The following CACNA1B variants were observed in gnomAD, a reference collection of about 807,000 sequenced individuals.
The protein encoded by CACNA1B is calcium voltage-gated channel subunit alpha1 B.
CACNA1B carries 70 observed loss-of-function variants against 247.2 expected under a neutral mutation model. That is an observed-to-expected ratio of 0.28 (90% CI 0.23 to 0.35). The LOEUF is 0.35. CACNA1B is among the 10% of genes least tolerant of loss of function. The pLI is 1.00. For missense variants in CACNA1B, 2,367 were observed against 3,197.4 expected (o/e 0.74, Z 6.26); for synonymous variants, 1,231 against 1,294.4 (o/e 0.95, Z 1.05).
chr9:138,081,063 T>C (rs1290142968), intron 36 of CACNA1B, among the ~76,000 whole-genome samples: 1 of 152,172 alleles, frequency 6.6e-6, no homozygotes, highest in Non-Finnish European at 1.5e-5. Flanking sequence ...TCCTGAGGCA[T>C]TGGTCTCTAT....
intron 39 of CACNA1B, 112 bp downstream of exon 39, chr9:138,105,919 C>A: frequency 1.5e-6 from 1 of 673,810 alleles, no homozygotes; most frequent in Non-Finnish European, 2.6e-6. Context: ...CCAGCTGTGT[C>A]TGGAGGGGTC....
In CACNA1B at chr9:138,078,061, T is replaced by C. The variant is rs1960388091; in HGVS notation, c.4950-53T>C. On this transcript the variant is annotated intron_variant, in intron 35 of 46. Transcript: ENST00000371372. ...GGCACGCTTGGTAGCCCCACAGGGC[T>C]CGGGCTCCCTCAAGGGCCTCTGTGG... 4.4e-6 allele frequency: 7 copies of C among 1,576,920 alleles called. No homozygotes were observed. In the East Asian group the frequency reaches 1.6e-4, roughly 36 times the overall value.
intron 6 of CACNA1B, among the ~76,000 whole-genome samples, chr9:137,926,341 T>G (rs1456040923): frequency 6.6e-6 from 1 of 152,204 alleles, no homozygotes; most frequent in Admixed American, 6.5e-5. Context: ...GTGCTGGGAT[T>G]ACAGGTGTAA....
At chr9:138,118,587 G>A (rs539848043) in intron 43 of CACNA1B, 65 bp from the exon 44 acceptor site, 55 of 780,996 alleles carry the variant, frequency 7.0e-5, no homozygotes, top group South Asian at 2.9e-4. Context: ...GAGTGAGTCC[G>A]GGGTGGGATC....
chr9:138,106,911 C>T (rs559154856), intron 39 of CACNA1B, among the ~76,000 whole-genome samples: 65 of 152,306 alleles, frequency 4.3e-4, no homozygotes, highest in African/African-American at 1.6e-3. Flanking sequence ...TTGGGGTCTC[C>T]AGGCCTCCAC....
At chr9:137,980,396 G>C (rs553073014) in intron 12 of CACNA1B, among the ~76,000 whole-genome samples, 1 of 152,358 alleles carries the variant, frequency 6.6e-6, no homozygotes, top group East Asian at 1.9e-4. Context: ...TGAAGAGCCT[G>C]AAAGTGTGGC....
chr9:138,016,029 C>T (rs1958787773), intron 18 of CACNA1B, among the ~76,000 whole-genome samples: 1 of 152,078 alleles, frequency 6.6e-6, no homozygotes, highest in South Asian at 2.1e-4. Context: ...GTCACAGAAG[C>T]ACACACAGAA....
At position 137,882,924 on chromosome 9, in the gene CACNA1B, G is replaced by C. The variant is rs769277058; in HGVS notation, c.530+41G>C. 1.9e-6 allele frequency: 3 copies of C among 1,575,128 alleles called. No homozygotes were observed. Among genetic ancestry groups the C allele is most frequent in the East Asian group, 2.2e-5 (1 of 44,730 alleles). ...CCAGGAGGCCCAGCGTGTGAGGCCC[G>C]GGCGTGTGCTCTCTGAAGCTCAGTT... On this transcript the variant is annotated intron_variant, in intron 3 of 46. Coordinates refer to ENST00000371372, the MANE Select transcript of CACNA1B (RefSeq NM_000718.4). This position sits in a 1 kb window ranked among gnomAD's most constrained non-coding sequence, Gnocchi z 4.0.
At chr9:138,112,053 C>T (rs1340097564) in intron 39 of CACNA1B, among the ~76,000 whole-genome samples, 1 of 152,148 alleles carries the variant, frequency 6.6e-6, no homozygotes, top group Non-Finnish European at 1.5e-5. Flanking sequence ...TAGATGAATG[C>T]CTGGAGTGCT....
intron 39 of CACNA1B, among the ~76,000 whole-genome samples, chr9:138,109,194 C>A (rs76897239): frequency 2.0e-5 from 3 of 152,098 alleles, no homozygotes; most frequent in African/African-American, 7.2e-5. Context: ...CTCACTTATA[C>A]GGTCAATTGA....
intron 3 of CACNA1B, chr9:137,892,559 C>T: frequency 2.8e-6 from 1 of 360,498 alleles, no homozygotes; most frequent in East Asian, 7.4e-5. Context: ...GGCCTGACAA[C>T]ACAGCTGCAC....
chr9:137,931,637 T>C (rs1249599949), intron 6 of CACNA1B, among the ~76,000 whole-genome samples: 2 of 152,154 alleles, frequency 1.3e-5, no homozygotes, highest in East Asian at 3.9e-4. Flanking sequence ...AACTGCTTCA[T>C]GCTGATTTGG....
chr9:138,003,985 G>C (rs1958615373), intron 15 of CACNA1B, among the ~76,000 whole-genome samples: 1 of 152,092 alleles, frequency 6.6e-6, no homozygotes, highest in Non-Finnish European at 1.5e-5. Context: ...ACAGTGCCAT[G>C]GGTGGTGTGA....
chr9:137,921,247 A>G (rs1957473685), intron 6 of CACNA1B, among the ~76,000 whole-genome samples: 1 of 152,034 alleles, frequency 6.6e-6, no homozygotes, highest in Non-Finnish European at 1.5e-5. Flanking sequence ...GGCAGGAAAA[A>G]CACCACGACC....
intron 6 of CACNA1B, among the ~76,000 whole-genome samples, chr9:137,949,283 TTTGC>T (rs1375228178): frequency 0.14 from 676 of 4,948 alleles, no homozygotes; most frequent in Admixed American, 0.18. Context: ...GGTGTGTGTG[TTTGC>T]GTGTCCTTTG....
Position 137,955,880 on chromosome 9 carries a change from T to A in CACNA1B, c.1186+67T>A. Reference sequence around the variant, plus strand: ...GTTAGTTCTCTGTCCCCAATTCTGCTCTGCTGCCAGCTGGGGTGCCCTGGC... The same window carrying A: ...GTTAGTTCTCTGTCCCCAATTCTGCACTGCTGCCAGCTGGGGTGCCCTGGC... On this transcript the variant is annotated intron_variant, in intron 8 of 46. Coordinates refer to ENST00000371372, the MANE Select transcript of CACNA1B (RefSeq NM_000718.4). The surrounding 1 kb of genome is among the most constrained non-coding windows in gnomAD (Gnocchi z 6.9). 2 of 1,087,142 alleles carry A rather than the reference T, an allele frequency of 1.8e-6. No homozygotes were observed. The highest frequency in any genetic ancestry group is 2.7e-5 in the South Asian group (2 of 74,530). 67.3% of individuals were successfully genotyped at this position (1,087,142 alleles called of 1,614,324 possible).
In CACNA1B at chr9:137,896,683, G is replaced by A. The variant is rs138686017; in HGVS notation, c.530+13800G>A. Among the ~76,000 whole-genome samples, 73 of 152,296 alleles carry A rather than the reference G, an allele frequency of 4.8e-4. No homozygotes were observed. The East Asian group carries it at 9.2e-3, about 19-fold the overall frequency. The stretch of plus-strand genomic sequence containing the variant: ...CTCCCTCTTCTATTTTCTAAAAGCC[G>A]TTGTGTGAAAACGGAATTAGTTCTT... On this transcript the variant is annotated intron_variant, in intron 3 of 46. Coordinates refer to ENST00000371372, the MANE Select transcript of CACNA1B (RefSeq NM_000718.4).
rs199624982 is a variant in CACNA1B at position 138,117,981 on chromosome 9, C to T, written c.5813C>T (p.Ser1938Phe). The T allele has an allele frequency of 6.3e-7, 1 of 1,597,508 alleles. No individual in the cohort carries two copies. Among genetic ancestry groups the T allele is most frequent in the Non-Finnish European group, 8.5e-7 (1 of 1,170,892 alleles). Residue 1938 changes from serine (S) to phenylalanine (F), a missense_variant, in exon 43 of 47, where the codon TCC (serine) becomes TTC (phenylalanine). Physicochemically the swap from Ser to Phe is radical, Grantham distance 155. Transcript: ENST00000371372. ...NQESGIKESV[S>F]WGTQRTQDAP... is the part of the protein sequence containing the mutation. ...GAGAGTGGCATCAAAGAGTCTGTCT[C>T]CTGGGGCACTCAAAGGACCCAGGAT...
intron 6 of CACNA1B, among the ~76,000 whole-genome samples, chr9:137,927,502 C>T (rs568090718): frequency 6.6e-6 from 1 of 152,306 alleles, no homozygotes; most frequent in East Asian, 1.9e-4. Context: ...TGTCCTTTTA[C>T]CATAAAATGG....
Sources: allele counts gnomAD v4.1 joint callset (sites outside exome capture counted in the v4.1 genomes callset), GRCh38; gene constraint gnomAD v4.1.1; non-coding constraint Gnocchi (gnomAD v3.1); transcripts MANE v1.5; gene names NCBI Gene and HGNC (gene_info 2026-07-23, HGNC 2026-07-21).